MORC1: variants seen among roughly 807,000 people sequenced by gnomAD.
MORC1 encodes the protein MORC family CW-type zinc finger protein 1.
MORC1 carries 59 observed loss-of-function variants against 134.9 expected under a neutral mutation model. The ratio of observed to expected loss-of-function variants is 0.44; its 90% CI spans 0.35 to 0.54. The LOEUF (loss-of-function observed/expected upper bound fraction) is 0.54, where lower values mean the gene tolerates loss of function less well. Ranked by LOEUF, MORC1 falls within the 20% of genes least tolerant of loss-of-function variation. The pLI, the probability that MORC1 is intolerant of heterozygous loss-of-function variation, is 0.00. For missense variants in MORC1, 947 were observed against 1,134.5 expected (o/e 0.83, Z 2.37); for synonymous variants, 395 against 391.7 (o/e 1.01, Z -0.10).
chr3:109,118,024 C>T lies in MORC1; in HGVS notation c.36G>A (p.Gln12=), dbSNP rs370238586. The T allele has an allele frequency of 6.2e-7, 1 of 1,609,438 alleles. No homozygotes were observed. The highest frequency in any genetic ancestry group is 1.1e-5 in the South Asian group (1 of 89,766). The change falls in exon 1 of 28, where the codon CAG becomes CAA. Residue 12 remains glutamine, a synonymous_variant. Coordinates refer to ENST00000232603, the MANE Select transcript of MORC1 (RefSeq NM_014429.4). ...TGGCGTGGATGAAATCCAGACGCAG[C>T]TGGGCCCGCTGAAGCGCAGGGTACC... ...DDRYPALQRA[Q]LRLDFIHANS...
At position 109,068,422 on chromosome 3, in the gene MORC1, A is replaced by G. The variant is rs148320506; in HGVS notation, c.815+1210T>C. 5.1e-3 allele frequency among the ~76,000 whole-genome samples: 778 copies of G among 152,254 alleles called. 17 individuals carry two copies. Among genetic ancestry groups the G allele is most frequent in the African/African-American group, 0.018 (746 of 41,540 alleles). ...CATTCTTATGCCTTTGCATTCTCAT[A>G]GCTTAGCTCCCACATATCAGTGAGA... On this transcript the variant is annotated intron_variant, in intron 9 of 27. Transcript: ENST00000232603.
chr3:109,082,108 T>C (rs1950531981), intron 8 of MORC1, among the ~76,000 whole-genome samples: 1 of 151,996 alleles, frequency 6.6e-6, no homozygotes, highest in Non-Finnish European at 1.5e-5. Context: ...CAGCCAACCT[T>C]CCCACACTGC....
intron 3 of MORC1, among the ~76,000 whole-genome samples, chr3:109,108,039 A>T (rs904316056): frequency 3.9e-5 from 6 of 152,172 alleles, no homozygotes; most frequent in Non-Finnish European, 7.3e-5. Flanking sequence ...TCTACTAAAA[A>T]TACAAAACTT....
At chr3:109,096,006 T>C (rs1191458879) in intron 6 of MORC1, among the ~76,000 whole-genome samples, 3 of 152,050 alleles carry the variant, frequency 2.0e-5, no homozygotes, top group African/African-American at 4.8e-5. Flanking sequence ...CAAATAATTA[T>C]AAACAAAGTA....
At chr3:109,009,329 C>T (rs1050923753) in intron 17 of MORC1, among the ~76,000 whole-genome samples, 1 of 151,882 alleles carries the variant, frequency 6.6e-6, no homozygotes, top group African/African-American at 2.4e-5. Context: ...CCTCAGCCTC[C>T]CAAGTAGCTG....
intron 14 of MORC1, among the ~76,000 whole-genome samples, chr3:109,049,657 A>C (rs1949775488): frequency 6.6e-6 from 1 of 152,224 alleles, no homozygotes; most frequent in South Asian, 2.1e-4. Context: ...GGAAAAAATA[A>C]GAAAAGAGAG....
At chr3:109,107,309 T>A (rs1951060904) in intron 3 of MORC1, among the ~76,000 whole-genome samples, 1 of 152,166 alleles carries the variant, frequency 6.6e-6, no homozygotes. Flanking sequence ...ATTTGTCTTT[T>A]GGACCAATGG....
intron 17 of MORC1, chr3:109,018,809 T>C (rs569225225): frequency 1.1e-4 from 17 of 152,200 alleles, no homozygotes; most frequent in Non-Finnish European, 2.1e-4. Context: ...TGATAGAAGA[T>C]TGGCAACTGA....
At position 109,067,539 on chromosome 3, in the gene MORC1, G is replaced by C. The variant is rs925651431; in HGVS notation, c.815+2093C>G. Among the ~76,000 whole-genome samples the C allele has an allele frequency of 3.3e-5, 5 of 152,114 alleles. No individual in the cohort carries two copies. The East Asian group carries it at 9.6e-4, about 29-fold the overall frequency. ...TTTACTAAAACTCCCTCAGAAAATA[G>C]AGACAAATCCACATTTTCCATGGAC... On this transcript the variant is annotated intron_variant, in intron 9 of 27. Transcript: ENST00000232603.
intron 17 of MORC1, chr3:109,019,179 C>T (rs1239685587): frequency 6.6e-6 from 1 of 152,238 alleles, no homozygotes; most frequent in African/African-American, 2.4e-5. Context: ...CCAGACAGGC[C>T]TGAGGTCACT....
At chr3:109,093,755 G>A (rs1029428564) in intron 7 of MORC1, among the ~76,000 whole-genome samples, 2 of 152,118 alleles carry the variant, frequency 1.3e-5, no homozygotes, top group African/African-American at 4.8e-5. Context: ...CTACAGTATG[G>A]TGCCTCTTAT....
chr3:109,013,387 G>T (rs574255310), intron 17 of MORC1, among the ~76,000 whole-genome samples: 2 of 152,230 alleles, frequency 1.3e-5, no homozygotes, highest in South Asian at 4.2e-4. Context: ...TTTTTCACAA[G>T]CCTAGCTTCT....
In MORC1 at chr3:109,007,027, A is replaced by C. The variant is rs1403717902; in HGVS notation, c.1767+2T>G. 6.2e-7 allele frequency: 1 copy of C among 1,607,230 alleles called. No individual in the cohort carries two copies. Among genetic ancestry groups the C allele is most frequent in the Non-Finnish European group, 8.5e-7 (1 of 1,176,338 alleles). On this transcript the variant is annotated splice_donor_variant, in intron 18 of 27. Transcript: ENST00000232603. LOFTEE classifies it high-confidence loss of function. ...TTGCTTAATCCTATATTAATTACTC[A>C]CCTTATGTGCTGAAGTTAGGCAGGT...
intron 1 of MORC1, among the ~76,000 whole-genome samples, chr3:109,116,361 CAGAG>C (rs978273087): frequency 6.6e-6 from 1 of 152,080 alleles, no homozygotes; most frequent in African/African-American, 2.4e-5. Context: ...GCAGTGGAGA[CAGAG>C]AGAAATGGAT....
chr3:109,084,309 T>C (rs1193688426), intron 8 of MORC1, among the ~76,000 whole-genome samples: 2 of 152,114 alleles, frequency 1.3e-5, no homozygotes, highest in African/African-American at 4.8e-5. Context: ...TTCAGTAAAG[T>C]GGCAGAATAC....
At position 109,004,898 on chromosome 3, in the gene MORC1, C is replaced by G; in HGVS notation, c.2014-10G>C. 6.2e-7 allele frequency: 1 copy of G among 1,606,966 alleles called. No homozygotes were observed. The highest frequency in any genetic ancestry group is 8.5e-7 in the Non-Finnish European group (1 of 1,178,066). On this transcript the variant is annotated splice_polypyrimidine_tract_variant and intron_variant, in intron 19 of 27. Coordinates refer to ENST00000232603, the MANE Select transcript of MORC1 (RefSeq NM_014429.4). The stretch of plus-strand genomic sequence containing the variant: ...TAGCAATCTGACTTCTCTTTCAAAA[C>G]AGAGAATACAGAAAAAAAAATTAGA...
chr3:109,051,054 T>C (rs1341755290), intron 14 of MORC1, among the ~76,000 whole-genome samples: 4 of 152,228 alleles, frequency 2.6e-5, no homozygotes, highest in Non-Finnish European at 4.4e-5. Flanking sequence ...CCAAAGCTGA[T>C]GATTAATATT....
At chr3:109,035,538 A>G (rs1949359800) in intron 14 of MORC1, 70 bp from the exon 15 acceptor site, 2 of 949,844 alleles carry the variant, frequency 2.1e-6, no homozygotes, top group Non-Finnish European at 3.1e-6. Flanking sequence ...TGGCAAAGGG[A>G]AGTTTGTATA....
At chr3:108,990,906 C>CTCTT (rs1948040639) in intron 21 of MORC1, among the ~76,000 whole-genome samples, 1 of 151,838 alleles carries the variant, frequency 6.6e-6, no homozygotes, top group Admixed American at 6.6e-5. Context: ...CTTTCTCTCT[C>CTCTT]TCTCTCTCTC....
Sources: allele counts gnomAD v4.1 joint callset (sites outside exome capture counted in the v4.1 genomes callset), GRCh38; gene constraint gnomAD v4.1.1; transcripts MANE v1.5; gene names NCBI Gene and HGNC (gene_info 2026-07-23, HGNC 2026-07-21).